The following UBE2W variants were observed in gnomAD, a reference collection of about 807,000 sequenced individuals.
UBE2W encodes ubiquitin-conjugating enzyme E2 W.
UBE2W carries 18 observed loss-of-function variants against 27.2 expected under a neutral mutation model. The ratio of observed to expected loss-of-function variants is 0.66; its 90% CI spans 0.46 to 0.98. The LOEUF (loss-of-function observed/expected upper bound fraction) is 0.98, where lower values mean the gene tolerates loss of function less well. Ranked by LOEUF, UBE2W falls within the 50% of genes least tolerant of loss-of-function variation. UBE2W has a pLI of 0.00. For synonymous variants in UBE2W, 53 were observed against 57.2 expected, an observed-to-expected ratio of 0.93 and a Z score of 0.33; for missense variants, 90 against 180.2, an observed-to-expected ratio of 0.50 and a Z score of 2.87.
At chr8:73,872,803 T>G (rs1219805689) in intron 1 of UBE2W, among the ~76,000 whole-genome samples, 1 of 152,132 alleles carries the variant, frequency 6.6e-6, no homozygotes, top group African/African-American at 2.4e-5. Flanking sequence ...ACTTTATGTA[T>G]CATATTTTAA....
intron 1 of UBE2W, among the ~76,000 whole-genome samples, chr8:73,876,786 T>C (rs1431705218): frequency 2.0e-5 from 3 of 152,102 alleles, no homozygotes; most frequent in Admixed American, 6.6e-5. Flanking sequence ...CTGACCAACA[T>C]GAAGAAACCC....
At position 73,794,002 on chromosome 8, in the gene UBE2W, G is replaced by A; in HGVS notation, c.*100C>T. ...AAGGAAGTAGTCTTCATTGCCTATA[G>A]GTCACTTCCAGTCAAAGGTTAAAGT... On this transcript the variant is annotated 3_prime_UTR_variant, in exon 6 of 6. Coordinates refer to ENST00000602593, the MANE Select transcript of UBE2W (RefSeq NM_018299.6). 2 of 1,575,556 alleles carry A rather than the reference G, an allele frequency of 1.3e-6. No individual in the cohort carries two copies. Among genetic ancestry groups the A allele is most frequent in the Non-Finnish European group, 8.6e-7 (1 of 1,162,370 alleles).
At chr8:73,799,209 G>T (rs1265704488) in intron 5 of UBE2W, among the ~76,000 whole-genome samples, 3 of 151,882 alleles carry the variant, frequency 2.0e-5, no homozygotes, top group Non-Finnish European at 2.9e-5. Flanking sequence ...TTTTTACATG[G>T]TAATAAATCA....
chr8:73,860,843 T>C lies in UBE2W; in HGVS notation c.15+17965A>G, dbSNP rs779391464. Among the ~76,000 whole-genome samples, 9 of 152,140 alleles carry C rather than the reference T, an allele frequency of 5.9e-5. No individual in the cohort carries two copies. In the East Asian group the frequency reaches 1.7e-3, roughly 29 times the overall value. On this transcript the variant is annotated intron_variant, in intron 1 of 5. Transcript: ENST00000602593. The stretch of plus-strand genomic sequence containing the variant: ...TATCAAAACAGCCCAAAATTCAAAA[T>C]GAAAGTTCAGGCTAGACATGGTGGC...
intron 1 of UBE2W, among the ~76,000 whole-genome samples, chr8:73,870,046 T>C (rs1811937893): frequency 6.6e-6 from 1 of 152,304 alleles, no homozygotes; most frequent in East Asian, 1.9e-4. Flanking sequence ...AGTTTCTTTC[T>C]GGGGTGATGA....
At chr8:73,869,946 G>C (rs1021277823) in intron 1 of UBE2W, among the ~76,000 whole-genome samples, 1 of 152,094 alleles carries the variant, frequency 6.6e-6, no homozygotes, top group Non-Finnish European at 1.5e-5. Flanking sequence ...AAAATACCCA[G>C]AATAGACCAA....
At position 73,856,562 on chromosome 8, in the gene UBE2W, G is replaced by A. The variant is rs199613286; in HGVS notation, c.15+22246C>T. Among the ~76,000 whole-genome samples the A allele has an allele frequency of 1.0e-4, 15 of 143,070 alleles. 1 individual carries two copies. Among genetic ancestry groups the A allele is most frequent in the Middle Eastern group, 3.4e-3 (1 of 294 alleles). 93.9% of individuals were successfully genotyped at this position (143,070 alleles called of 152,430 possible). Reference sequence around the variant, plus strand: ...GTATTTTTTGTAGAGACAGGGTCTCGCTGGTCTGGCTCGAACTCCTGACCT... The same window carrying A: ...GTATTTTTTGTAGAGACAGGGTCTCACTGGTCTGGCTCGAACTCCTGACCT... On this transcript the variant is annotated intron_variant, in intron 1 of 5. Coordinates refer to ENST00000602593, the MANE Select transcript of UBE2W (RefSeq NM_018299.6).
At position 73,830,364 on chromosome 8, in the gene UBE2W, T is replaced by A; in HGVS notation, c.107+17A>T. 6.4e-7 allele frequency: 1 copy of A among 1,569,614 alleles called. No individual in the cohort carries two copies. The highest frequency in any genetic ancestry group is 2.2e-5 in the East Asian group (1 of 44,582). ...TTGGTAATAAAACAAAGAGCCCTTTTAAAATTAAATACTTACTGTGTAATT... is the reference window on the plus strand; with the variant it reads ...TTGGTAATAAAACAAAGAGCCCTTTAAAAATTAAATACTTACTGTGTAATT... On this transcript the variant is annotated intron_variant, in intron 2 of 5. Coordinates refer to ENST00000602593, the MANE Select transcript of UBE2W (RefSeq NM_018299.6).
chr8:73,840,095 C>T (rs1242758763), intron 1 of UBE2W, among the ~76,000 whole-genome samples: 1 of 151,816 alleles, frequency 6.6e-6, no homozygotes, highest in Non-Finnish European at 1.5e-5. Context: ...CTTGCTCTGT[C>T]GCCCAGGCTG....
intron 1 of UBE2W, among the ~76,000 whole-genome samples, chr8:73,863,964 G>A (rs530861753): frequency 1.3e-4 from 19 of 146,282 alleles, no homozygotes; most frequent in African/African-American, 3.9e-4. Context: ...AAAAAAAAAA[G>A]GAGGAAAGTA....
intron 5 of UBE2W, among the ~76,000 whole-genome samples, chr8:73,804,409 T>A (rs1028851346): frequency 6.6e-6 from 1 of 152,140 alleles, no homozygotes; most frequent in Non-Finnish European, 1.5e-5. Context: ...TTTTTGTTTT[T>A]AATTTCAAAT....
intron 1 of UBE2W, among the ~76,000 whole-genome samples, chr8:73,851,194 C>CTT (rs71561537): frequency 0.057 from 8,412 of 146,548 alleles, 775 homozygotes; most frequent in African/African-American, 0.19. Flanking sequence ...GTTTCATTAT[C>CTT]TTTTTTTTTT....
intron 1 of UBE2W, among the ~76,000 whole-genome samples, chr8:73,840,625 G>A (rs1350773199): frequency 1.3e-5 from 2 of 152,160 alleles, no homozygotes; most frequent in Non-Finnish European, 2.9e-5. Flanking sequence ...AACAAAGCAA[G>A]TAAGTATCCA....
At chr8:73,832,134 T>A (rs1207523072) in intron 1 of UBE2W, among the ~76,000 whole-genome samples, 2 of 140,382 alleles carry the variant, frequency 1.4e-5, no homozygotes, top group Non-Finnish European at 3.1e-5. Context: ...AAAAAATAAA[T>A]AAATATATAT....
At chr8:73,846,538 T>A (rs1034741658) in intron 1 of UBE2W, among the ~76,000 whole-genome samples, 1 of 152,204 alleles carries the variant, frequency 6.6e-6, no homozygotes, top group Admixed American at 6.5e-5. Flanking sequence ...ATACTTAAAA[T>A]ATACAGGATT....
At position 73,816,378 on chromosome 8, in the gene UBE2W, T is replaced by C. The variant is rs59600567; in HGVS notation, c.211-5749A>G. The stretch of plus-strand genomic sequence containing the variant: ...CAATAAAAACTGTTATTCAAAGACT[T>C]TGGAAAGCTTGAACATCACCCATGA... On this transcript the variant is annotated intron_variant, in intron 3 of 5. Coordinates refer to ENST00000602593, the MANE Select transcript of UBE2W (RefSeq NM_018299.6). Among the ~76,000 whole-genome samples the C allele has an allele frequency of 3.2e-3, 483 of 152,240 alleles. 3 individuals carry two copies. The highest frequency in any genetic ancestry group is 9.9e-3 in the African/African-American group (410 of 41,540).
intron 1 of UBE2W, among the ~76,000 whole-genome samples, chr8:73,844,679 CG>C (rs1463948355): frequency 6.6e-6 from 1 of 151,618 alleles, no homozygotes; most frequent in Non-Finnish European, 1.5e-5. Flanking sequence ...TCTTCCCGGC[CG>C]TCATCTCGTC....
At chr8:73,822,602 CA>C (rs67427702) in intron 3 of UBE2W, among the ~76,000 whole-genome samples, 2,957 of 50,680 alleles carry the variant, frequency 0.058, 35 homozygotes, top group Admixed American at 0.06. Context: ...CTTGCAACTG[CA>C]AAAAAAAAAA....
At position 73,792,822 on chromosome 8, in the gene UBE2W, T is replaced by C. The variant is rs1233605647; in HGVS notation, c.*1280A>G. On this transcript the variant is annotated 3_prime_UTR_variant, in exon 6 of 6. Transcript: ENST00000602593. Reference sequence around the variant, plus strand: ...TTTTCTATAGAAAGTTTCATCTAGCTGTAAGCAAAGTCTTTTCAACAACAA... The same window carrying C: ...TTTTCTATAGAAAGTTTCATCTAGCCGTAAGCAAAGTCTTTTCAACAACAA... 30 of 985,400 alleles carry C rather than the reference T, an allele frequency of 3.0e-5. No individual in the cohort carries two copies. Among genetic ancestry groups the C allele is most frequent in the Non-Finnish European group, 3.5e-5 (29 of 829,822 alleles). 61.0% of individuals were successfully genotyped at this position (985,400 alleles called of 1,614,324 possible).
Sources: gnomAD v4.1 joint callset for allele counts (sites outside exome capture counted in the v4.1 genomes callset) on GRCh38, gnomAD v4.1.1 for gene constraint, MANE v1.5 for transcripts, NCBI Gene and HGNC (gene_info 2026-07-23, HGNC 2026-07-21) for gene names.